The following ATP10B variants were observed in gnomAD, a reference collection of about 807,000 sequenced individuals.
ATP10B encodes ATPase phospholipid transporting 10B (putative).
In ATP10B, 122 loss-of-function variants were observed where a neutral mutation model predicts 141.2. The ratio of observed to expected loss-of-function variants is 0.86; its 90% CI spans 0.75 to 1.00. ATP10B has a LOEUF of 1.00. ATP10B is among the 50% of genes least tolerant of loss of function. The probability of loss-of-function intolerance (pLI) is 0.00; values close to 1 mark genes in which losing one functional copy is unlikely to be tolerated. For missense variants in ATP10B, 1,876 were observed against 1,825.3 expected, an observed-to-expected ratio of 1.03 and a Z score of -0.51; for synonymous variants, 685 against 692.0, an observed-to-expected ratio of 0.99 and a Z score of 0.16.
chr5:160,600,641 T>C (rs1196454909), intron 21 of ATP10B, among the ~76,000 whole-genome samples: 1 of 152,222 alleles, frequency 6.6e-6, no homozygotes, highest in African/African-American at 2.4e-5. Flanking sequence ...GCTTCTTGCC[T>C]CCTGAGGCCC....
the ATP10B span, among the ~76,000 whole-genome samples, chr5:160,925,900 C>G: frequency 6.6e-6 from 1 of 152,176 alleles, no homozygotes; most frequent in Non-Finnish European, 1.5e-5. Context: ...TTCCAAGTAC[C>G]TTCATAGGCC....
chr5:160,746,064 T>A (rs919403923), intron 2 of ATP10B, among the ~76,000 whole-genome samples: 6 of 152,234 alleles, frequency 3.9e-5, no homozygotes, highest in African/African-American at 1.4e-4. Context: ...TCATGAAAGC[T>A]CTTAGGACAG....
chr5:160,793,224 C>G (rs1447462471), intron 1 of ATP10B, among the ~76,000 whole-genome samples: 1 of 149,408 alleles, frequency 6.7e-6, no homozygotes. Context: ...TTTTGCCATA[C>G]TCTTTAGGAG....
At chr5:160,884,096 T>C in the ATP10B span, among the ~76,000 whole-genome samples, 2 of 152,180 alleles carry the variant, frequency 1.3e-5, no homozygotes, top group Non-Finnish European at 2.9e-5. Flanking sequence ...TAAGTATAAT[T>C]CACTGTTGCT....
At chr5:160,794,808 A>G (rs982668603) in intron 1 of ATP10B, among the ~76,000 whole-genome samples, 1 of 152,230 alleles carries the variant, frequency 6.6e-6, no homozygotes, top group Non-Finnish European at 1.5e-5. Flanking sequence ...TACTTAAAGT[A>G]GTATCATTGC....
At chr5:160,702,484 A>G (rs578227215) in intron 3 of ATP10B, among the ~76,000 whole-genome samples, 3 of 152,238 alleles carry the variant, frequency 2.0e-5, no homozygotes, top group Admixed American at 2.0e-4. Flanking sequence ...GTAATTAACA[A>G]TGTGTATGAT....
chr5:160,663,314 A>C (rs1561720443), intron 7 of ATP10B, among the ~76,000 whole-genome samples: 1 of 152,236 alleles, frequency 6.6e-6, no homozygotes, highest in Non-Finnish European at 1.5e-5. Context: ...ATTATAAATC[A>C]TGCTGCTATA....
At chr5:160,681,036 G>C (rs955925557) in intron 6 of ATP10B, among the ~76,000 whole-genome samples, 10 of 152,216 alleles carry the variant, frequency 6.6e-5, no homozygotes, top group Non-Finnish European at 1.3e-4. Context: ...GGATTGGTGA[G>C]AGCTGGATCT....
intron 1 of ATP10B, among the ~76,000 whole-genome samples, chr5:160,803,560 C>T (rs1005540908): frequency 6.6e-6 from 1 of 152,114 alleles, no homozygotes; most frequent in African/African-American, 2.4e-5. Context: ...CCTGTAATCC[C>T]AGCTTCTTGG....
chr5:160,587,875 A>G lies in ATP10B; in HGVS notation c.3750+1717T>C, dbSNP rs187502512. On this transcript the variant is annotated intron_variant, in intron 24 of 25. Coordinates refer to ENST00000327245, the MANE Select transcript of ATP10B (RefSeq NM_025153.3). ...TTCTTTTGAGATGGAGTCCTGCTCCATAGCCCAGGCTGGAGTGCAATGGCA... is the reference window on the plus strand; with the variant it reads ...TTCTTTTGAGATGGAGTCCTGCTCCGTAGCCCAGGCTGGAGTGCAATGGCA... Among the ~76,000 whole-genome samples the G allele has an allele frequency of 4.3e-3, 648 of 152,306 alleles. 2 individuals are homozygous for G. The highest frequency in any genetic ancestry group is 6.3e-3 in the Non-Finnish European group (426 of 68,024).
intron 23 of ATP10B, among the ~76,000 whole-genome samples, chr5:160,590,063 G>A (rs1369332420): frequency 1.3e-5 from 2 of 152,136 alleles, no homozygotes; most frequent in Non-Finnish European, 1.5e-5. Context: ...AAGGAAGTAC[G>A]TGCTATAATA....
intron 6 of ATP10B, among the ~76,000 whole-genome samples, chr5:160,672,759 A>G (rs1421957): frequency 0.65 from 98,776 of 152,112 alleles, 32,695 homozygotes; most frequent in Middle Eastern, 0.78. Context: ...GGCATGACAC[A>G]TCTACTCTTC....
chr5:160,883,783 A>G, the ATP10B span, among the ~76,000 whole-genome samples: 1 of 152,186 alleles, frequency 6.6e-6, no homozygotes, highest in African/African-American at 2.4e-5. Context: ...GAGTTTAAAG[A>G]GTGTTAACAA....
rs566237567 is a variant in ATP10B at position 160,727,166 on chromosome 5, G to A, written c.-330-10132C>T. ...TCCAGATTAACTGAGACCTGTCTTAGATTTTCTGAGTTTACGGTACCTGCT... is the reference window on the plus strand; with the variant it reads ...TCCAGATTAACTGAGACCTGTCTTAAATTTTCTGAGTTTACGGTACCTGCT... On this transcript the variant is annotated intron_variant, in intron 2 of 25. Coordinates refer to ENST00000327245, the MANE Select transcript of ATP10B (RefSeq NM_025153.3). 2.0e-5 allele frequency among the ~76,000 whole-genome samples: 3 copies of A among 152,278 alleles called. No homozygotes were observed. The South Asian group carries it at 6.2e-4, about 32-fold the overall frequency.
intron 1 of ATP10B, among the ~76,000 whole-genome samples, chr5:160,849,326 G>C (rs890942727): frequency 6.6e-6 from 1 of 151,986 alleles, no homozygotes; most frequent in Admixed American, 6.6e-5. Context: ...ATACCAGAGC[G>C]ACCTGCAAAA....
intron 6 of ATP10B, among the ~76,000 whole-genome samples, 199 bp downstream of exon 6, chr5:160,685,880 C>T (rs958765955): frequency 6.6e-6 from 1 of 152,136 alleles, no homozygotes; most frequent in African/African-American, 2.4e-5. Flanking sequence ...GTAGTACCCC[C>T]TACTCCCAGT....
At chr5:160,570,005 T>C (rs548303877) in intron 24 of ATP10B, among the ~76,000 whole-genome samples, 2 of 152,278 alleles carry the variant, frequency 1.3e-5, no homozygotes, top group East Asian at 3.9e-4. Flanking sequence ...AGAATCATGT[T>C]TCGTATGACT....
At chr5:160,866,494 T>C in the ATP10B span, among the ~76,000 whole-genome samples, 59 of 152,030 alleles carry the variant, frequency 3.9e-4, no homozygotes, top group African/African-American at 1.4e-3. Context: ...GCCAACATGG[T>C]GAAACCCCAT....
At chr5:160,909,908 G>A in the ATP10B span, among the ~76,000 whole-genome samples, 4 of 152,150 alleles carry the variant, frequency 2.6e-5, no homozygotes, top group Non-Finnish European at 4.4e-5. Flanking sequence ...GCAGAACAAC[G>A]ACTGTCAGGA....
Sources: allele counts gnomAD v4.1 joint callset (sites outside exome capture counted in the v4.1 genomes callset), GRCh38; gene constraint gnomAD v4.1.1; transcripts MANE v1.5; gene names NCBI Gene and HGNC (gene_info 2026-07-23, HGNC 2026-07-21).